Variants in ITFG1 observed in about 807,000 individuals in gnomAD.
The protein encoded by ITFG1 is T-cell immunomodulatory protein.
Under a neutral mutation model 81.8 loss-of-function variants are expected in ITFG1, and 34 were observed. The observed-to-expected ratio is 0.42, with a 90% confidence interval of 0.32 to 0.55. The LOEUF is 0.55. Ranked by LOEUF, ITFG1 falls within the 20% of genes least tolerant of loss-of-function variation. The probability of loss-of-function intolerance (pLI) is 0.17; values close to 1 mark genes in which losing one functional copy is unlikely to be tolerated. For synonymous variants in ITFG1, 285 were observed against 270.6 expected, an observed-to-expected ratio of 1.05 and a Z score of -0.52; for missense variants, 672 against 755.4, an observed-to-expected ratio of 0.89 and a Z score of 1.29.
At chr16:47,439,091 G>C (rs956298462) in intron 5 of ITFG1, among the ~76,000 whole-genome samples, 1 of 152,224 alleles carries the variant, frequency 6.6e-6, no homozygotes, top group East Asian at 1.9e-4. Context: ...ATGAGCGATG[G>C]AAGACGAAAT....
intron 10 of ITFG1, among the ~76,000 whole-genome samples, chr16:47,280,666 T>C (rs1186148255): frequency 2.6e-5 from 4 of 152,162 alleles, no homozygotes; most frequent in African/African-American, 7.2e-5. Context: ...GAGTTTATGC[T>C]AAGGCCCTTA....
At chr16:47,413,660 C>T (rs140859758) in intron 6 of ITFG1, among the ~76,000 whole-genome samples, 18 of 152,224 alleles carry the variant, frequency 1.2e-4, no homozygotes, top group African/African-American at 3.4e-4. Flanking sequence ...GGCGCCACTG[C>T]ACTCTAGCCT....
intron 13 of ITFG1, among the ~76,000 whole-genome samples, chr16:47,220,462 T>G (rs939618087): frequency 6.6e-6 from 1 of 152,230 alleles, no homozygotes; most frequent in Non-Finnish European, 1.5e-5. Flanking sequence ...TCAGCCACTT[T>G]CAGAAAAACA....
chr16:47,208,045 G>A (rs902242092), intron 14 of ITFG1, among the ~76,000 whole-genome samples: 2 of 152,138 alleles, frequency 1.3e-5, no homozygotes, highest in African/African-American at 4.8e-5. Context: ...TTTGCCCAAG[G>A]TAACACAGCA....
At chr16:47,295,493 C>T (rs888509944) in intron 10 of ITFG1, among the ~76,000 whole-genome samples, 3 of 152,076 alleles carry the variant, frequency 2.0e-5, no homozygotes, top group Non-Finnish European at 4.4e-5. Context: ...TTAATCTCAC[C>T]ACTCATTATT....
intron 14 of ITFG1, among the ~76,000 whole-genome samples, chr16:47,179,807 A>G (rs1481899838): frequency 1.3e-5 from 2 of 152,222 alleles, no homozygotes; most frequent in Admixed American, 6.5e-5. Flanking sequence ...GTGAGGCTCC[A>G]TGCTCAAATG....
chr16:47,291,239 C>T (rs1266776089), intron 10 of ITFG1, among the ~76,000 whole-genome samples: 1 of 152,148 alleles, frequency 6.6e-6, no homozygotes, highest in African/African-American at 2.4e-5. Flanking sequence ...AATACATCAT[C>T]CCACTCATTC....
At chr16:47,349,815 G>A (rs1265034821) in intron 8 of ITFG1, among the ~76,000 whole-genome samples, 1 of 152,148 alleles carries the variant, frequency 6.6e-6, no homozygotes, top group Non-Finnish European at 1.5e-5. Context: ...TGGAAGTAAA[G>A]CACTCCTCAG....
At chr16:47,383,482 T>A (rs1221697224) in intron 6 of ITFG1, among the ~76,000 whole-genome samples, 1 of 152,188 alleles carries the variant, frequency 6.6e-6, no homozygotes, top group Non-Finnish European at 1.5e-5. Context: ...TGTGCCTCAT[T>A]ATAGATTTAC....
rs1000130421 is a variant in ITFG1, at chr16:47,173,767, G to A, written c.1454-11103C>T. ...TTTAAAAAATAAGTTTTCGCTGGGC[G>A]CAGTGGCTCACGCCTATAATCCCAG... On this transcript the variant is annotated intron_variant, in intron 14 of 17. Coordinates refer to ENST00000320640, the MANE Select transcript of ITFG1 (RefSeq NM_030790.5). 5.9e-5 allele frequency among the ~76,000 whole-genome samples: 9 copies of A among 152,156 alleles called. No homozygotes were observed. In the South Asian group the frequency reaches 8.3e-4, roughly 14 times the overall value.
intron 12 of ITFG1, among the ~76,000 whole-genome samples, chr16:47,252,366 G>A (rs1966086232): frequency 6.6e-6 from 1 of 152,126 alleles, no homozygotes; most frequent in East Asian, 1.9e-4. Flanking sequence ...GGAGAAAAAA[G>A]AAAAAAGAAA....
chr16:47,286,281 C>T (rs752812611), intron 10 of ITFG1, among the ~76,000 whole-genome samples: 25 of 152,080 alleles, frequency 1.6e-4, no homozygotes, highest in Non-Finnish European at 2.9e-4. Flanking sequence ...CTTTAACTGC[C>T]CCGTCAATTA....
intron 6 of ITFG1, among the ~76,000 whole-genome samples, chr16:47,408,800 C>T (rs1968762312): frequency 6.6e-6 from 1 of 152,152 alleles, no homozygotes; most frequent in Admixed American, 6.5e-5. Flanking sequence ...CTGCGTAGGG[C>T]AGGAGTTTGC....
chr16:47,311,446 G>C, intron 9 of ITFG1, 34 bp from the exon 10 acceptor site: 1 of 1,468,690 alleles, frequency 6.8e-7, no homozygotes, highest in Non-Finnish European at 9.1e-7. Context: ...AGACTTTATA[G>C]TTATTTTATA....
chr16:47,279,141 A>G (rs986442991), intron 10 of ITFG1, among the ~76,000 whole-genome samples: 2 of 152,116 alleles, frequency 1.3e-5, no homozygotes, highest in African/African-American at 4.8e-5. Flanking sequence ...AATTTTGATA[A>G]AGGTCAACTT....
At chr16:47,459,591 C>G (rs1279796005) in intron 1 of ITFG1, among the ~76,000 whole-genome samples, 1 of 152,218 alleles carries the variant, frequency 6.6e-6, no homozygotes, top group East Asian at 1.9e-4. Flanking sequence ...ACCAAGGATG[C>G]AGGGACTCCC....
chr16:47,221,110 A>G (rs1433794179), intron 13 of ITFG1, among the ~76,000 whole-genome samples: 1 of 152,102 alleles, frequency 6.6e-6, no homozygotes, highest in African/African-American at 2.4e-5. Context: ...CTCCCCAAAG[A>G]TCCATTCCCA....
chr16:47,172,422 AG>A (rs1199758358), intron 14 of ITFG1, among the ~76,000 whole-genome samples: 1 of 152,190 alleles, frequency 6.6e-6, no homozygotes, highest in Non-Finnish European at 1.5e-5. Context: ...TGGGAGGCGC[AG>A]GTTGCAGTGA....
At chr16:47,328,721 T>A (rs912047002) in intron 8 of ITFG1, among the ~76,000 whole-genome samples, 1 of 152,150 alleles carries the variant, frequency 6.6e-6, no homozygotes, top group African/African-American at 2.4e-5. Context: ...AGAAAATAAA[T>A]TCCGTTGGGG....
Sources: gnomAD v4.1 joint callset for allele counts (sites outside exome capture counted in the v4.1 genomes callset) on GRCh38, gnomAD v4.1.1 for gene constraint, MANE v1.5 for transcripts, NCBI Gene and HGNC (gene_info 2026-07-23, HGNC 2026-07-21) for gene names.